Variants in STK4 observed in about 807,000 individuals in gnomAD.
The protein encoded by STK4 is serine/threonine kinase 4, also known as serine/threonine-protein kinase 4.
STK4 carries 30 observed loss-of-function variants against 64.9 expected under a neutral mutation model. The observed-to-expected ratio is 0.46, with a 90% confidence interval of 0.35 to 0.63. The LOEUF (loss-of-function observed/expected upper bound fraction) is 0.63. Among genes scored for constraint, STK4 ranks in the 20% least tolerant of loss-of-function variants. The probability of loss-of-function intolerance (pLI) is 0.01; values close to 1 mark genes in which losing one functional copy is unlikely to be tolerated. For synonymous variants in STK4, 177 were observed against 199.0 expected (o/e 0.89, Z 0.93); for missense variants, 466 against 598.5 (o/e 0.78, Z 2.31).
chr20:45,057,987 C>G (rs1978636324), intron 10 of STK4, among the ~76,000 whole-genome samples: 1 of 151,668 alleles, frequency 6.6e-6, no homozygotes, highest in South Asian at 2.1e-4. Context: ...ACAAACCTAT[C>G]TTTTTTAGAG....
chr20:45,054,559 CTTTTTT>C (rs776492833), intron 10 of STK4, among the ~76,000 whole-genome samples: 1 of 71,674 alleles, frequency 1.4e-5, no homozygotes, highest in East Asian at 4.5e-4. Flanking sequence ...GACACCCTAT[CTTTTTT>C]TTTTTTTTTT....
Position 45,001,241 on chromosome 20 carries a change from C to T in STK4, c.1035C>T (p.Ser345=). The stretch of plus-strand genomic sequence containing the variant: ...AGATGGGCACTGTCCGAGTAGCCAG[C>T]ACCATGACTGATGGAGCCAATACTA... The part of the protein sequence containing the change: ...GDEMGTVRVA[S]TMTDGANTMI... Residue 345 remains serine, a synonymous_variant, in exon 9 of 11, where the codon AGC becomes AGT. Transcript: ENST00000372806. 6.2e-7 allele frequency: 1 copy of T among 1,614,136 alleles called. No homozygotes were observed.
chr20:44,984,898 C>A (rs1424293246), intron 4 of STK4, among the ~76,000 whole-genome samples: 1 of 152,060 alleles, frequency 6.6e-6, no homozygotes, highest in Non-Finnish European at 1.5e-5. Flanking sequence ...CCTCCTGCCT[C>A]AGCCTCCTGA....
chr20:44,972,384 A>T, intron 2 of STK4: 1 of 408,558 alleles, frequency 2.4e-6, no homozygotes, highest in South Asian at 5.0e-5. Context: ...CTTTTGTAGG[A>T]TCTGTATGAT....
chr20:44,981,182 T>C (rs535175410), intron 3 of STK4, among the ~76,000 whole-genome samples: 1 of 148,896 alleles, frequency 6.7e-6, no homozygotes, highest in Non-Finnish European at 1.5e-5. Context: ...TGAGATGGAG[T>C]CTTGCTCTGT....
At chr20:44,990,986 TAC>T (rs1319201720) in intron 5 of STK4, among the ~76,000 whole-genome samples, 1 of 152,212 alleles carries the variant, frequency 6.6e-6, no homozygotes, top group Non-Finnish European at 1.5e-5. Context: ...TTCAGTTAGT[TAC>T]TATTGGGCCA....
Position 45,026,941 on chromosome 20 carries a change from C to T in STK4, c.1305+1811C>T, listed in dbSNP as rs576825636. 7.2e-5 allele frequency among the ~76,000 whole-genome samples: 11 copies of T among 152,218 alleles called. No individual in the cohort carries two copies. The East Asian group carries it at 2.1e-3, about 29-fold the overall frequency. On this transcript the variant is annotated intron_variant, in intron 10 of 10. Coordinates refer to ENST00000372806, the MANE Select transcript of STK4 (RefSeq NM_006282.5). ...GACTTACGAAATTTGAATTATTGTG[C>T]GTCTGTTCCATGTTGCCTGTATAGT... is the stretch of plus-strand genomic sequence containing the variant.
At chr20:45,005,040 G>T (rs1199995819) in intron 9 of STK4, among the ~76,000 whole-genome samples, 1 of 151,612 alleles carries the variant, frequency 6.6e-6, no homozygotes, top group Non-Finnish European at 1.5e-5. Context: ...CAAAGTGCTG[G>T]GATTACAGGC....
intron 10 of STK4, among the ~76,000 whole-genome samples, chr20:45,055,452 A>G (rs6031958): frequency 6.6e-5 from 10 of 152,022 alleles, no homozygotes; most frequent in African/African-American, 2.2e-4. Context: ...ATCTGTATTT[A>G]TAGCTTGCTT....
In STK4 at chr20:45,077,014, GC is replaced by G. The variant is rs1389632831; in HGVS notation, c.*1839del. The G allele has an allele frequency of 6.6e-6, 1 of 152,182 alleles. No individual in the cohort carries two copies. Among genetic ancestry groups the G allele is most frequent in the Admixed American group, 6.5e-5 (1 of 15,286 alleles). 9.4% of individuals were successfully genotyped at this position (152,182 alleles called of 1,614,324 possible). A position where few individuals can be genotyped will look rare whatever the true frequency, so the allele number is the denominator to read the frequency against. ...TTGTTGAGCACCTATTATATATCAG[GC>G]ACTGAGCTGGGTAGGCTCTAAACTT... On this transcript the variant is annotated 3_prime_UTR_variant, in exon 11 of 11. Transcript: ENST00000372806.
At chr20:45,072,904 C>A (rs1980195285) in intron 10 of STK4, among the ~76,000 whole-genome samples, 1 of 152,212 alleles carries the variant, frequency 6.6e-6, no homozygotes, top group Admixed American at 6.5e-5. Context: ...ATCTGCCCAA[C>A]ACATACTATA....
chr20:45,063,031 C>T (rs1275661794), intron 10 of STK4, among the ~76,000 whole-genome samples: 1 of 62,128 alleles, frequency 1.6e-5, no homozygotes, highest in Non-Finnish European at 3.1e-5. Context: ...GACACAGGGT[C>T]TTGCCTGTGT....
At chr20:45,072,991 A>G (rs891807343) in intron 10 of STK4, among the ~76,000 whole-genome samples, 6 of 152,220 alleles carry the variant, frequency 3.9e-5, no homozygotes, top group Admixed American at 2.6e-4. Flanking sequence ...GGAACAAAAT[A>G]GTATTGTCTG....
chr20:44,993,715 A>G (rs2067676983), intron 5 of STK4, among the ~76,000 whole-genome samples: 1 of 152,234 alleles, frequency 6.6e-6, no homozygotes, highest in Non-Finnish European at 1.5e-5. Flanking sequence ...ATTGTGGCTC[A>G]TGCCTGTAAT....
chr20:44,974,089 T>C (rs1359323996), intron 2 of STK4: 3 of 152,240 alleles, frequency 2.0e-5, no homozygotes, highest in African/African-American at 7.2e-5. Flanking sequence ...TTTGTTTATT[T>C]ATTTTTGTAG....
rs976045095 is a variant in STK4 at position 44,969,616 on chromosome 20, A to C, written c.36-2462A>C. On this transcript the variant is annotated intron_variant, in intron 1 of 10. Transcript: ENST00000372806. ...TGTTATAGTGGAAGGCGTAGAGTGC[A>C]TTCCTGGGATGCTGGCCATCCACAT... Among the ~76,000 whole-genome samples the C allele has an allele frequency of 3.3e-5, 5 of 152,352 alleles. No homozygotes were observed. In the South Asian group the frequency reaches 6.2e-4, roughly 19 times the overall value.
chr20:45,015,853 T>C (rs1428359570), intron 9 of STK4, among the ~76,000 whole-genome samples: 1 of 152,236 alleles, frequency 6.6e-6, no homozygotes, highest in Non-Finnish European at 1.5e-5. Context: ...GTGTAAATGC[T>C]CAAAAATGGT....
chr20:44,979,480 A>T (rs1383918073), intron 3 of STK4, among the ~76,000 whole-genome samples: 2 of 152,320 alleles, frequency 1.3e-5, no homozygotes, highest in African/African-American at 4.8e-5. Flanking sequence ...CCATGACAAC[A>T]TGGGTTGGTC....
chr20:44,986,787 T>G (rs1399345626), intron 4 of STK4, among the ~76,000 whole-genome samples: 2 of 152,180 alleles, frequency 1.3e-5, no homozygotes, highest in Non-Finnish European at 2.9e-5. Flanking sequence ...GAATAAAGTT[T>G]CCTTTTACTG....
Sources: allele counts gnomAD v4.1 joint callset (sites outside exome capture counted in the v4.1 genomes callset), GRCh38; gene constraint gnomAD v4.1.1; transcripts MANE v1.5; gene names NCBI Gene and HGNC (gene_info 2026-07-23, HGNC 2026-07-21).